VPS13B: variants seen among roughly 807,000 people sequenced by gnomAD.
VPS13B encodes the protein intermembrane lipid transfer protein VPS13B.
Under a neutral mutation model 426.4 loss-of-function variants are expected in VPS13B, and 285 were observed. The observed-to-expected ratio is 0.67, with a 90% CI of 0.61 to 0.74. The LOEUF is 0.74. Ranked by LOEUF, VPS13B falls within the 30% of genes least tolerant of loss-of-function variation. The pLI, the probability that VPS13B is intolerant of heterozygous loss-of-function variation, is 0.00. For missense variants in VPS13B, 4,537 were observed against 4,782.6 expected (o/e 0.95, Z 1.51); for synonymous variants, 1,676 against 1,676.4 (o/e 1.00, Z 0.01).
chr8:99,233,453 T>C, intron 17 of VPS13B: 1 of 1,339,188 alleles, frequency 7.5e-7, no homozygotes, highest in Non-Finnish European at 1.1e-6. Context: ...CCGATGATGG[T>C]ACCCACAGCC....
intron 39 of VPS13B, among the ~76,000 whole-genome samples, chr8:99,757,275 AC>A (rs1455484426): frequency 6.6e-6 from 1 of 152,152 alleles, no homozygotes; most frequent in Non-Finnish European, 1.5e-5. Context: ...GTACTCACTA[AC>A]CAGACTTACA....
At position 99,463,034 on chromosome 8, in the gene VPS13B, C is replaced by T. The variant is rs2133497156; in HGVS notation, c.3446-4380C>T. Among the ~76,000 whole-genome samples the T allele has an allele frequency of 1.3e-5, 2 of 152,248 alleles. 1 individual carries two copies. Among genetic ancestry groups the T allele is most frequent in the South Asian group, 4.1e-4 (2 of 4,826 alleles). ...CAAGACAGCTATCCATTCCATGGCACTGATGTTACCGATAGGATCTTGTCT... is the reference window on the plus strand; with the variant it reads ...CAAGACAGCTATCCATTCCATGGCATTGATGTTACCGATAGGATCTTGTCT... On this transcript the variant is annotated intron_variant, in intron 23 of 61. Transcript: ENST00000357162.
intron 43 of VPS13B, chr8:99,796,491 T>C (rs1812824158): frequency 6.6e-6 from 1 of 152,078 alleles, no homozygotes; most frequent in Non-Finnish European, 1.5e-5. Flanking sequence ...GAATGACTAA[T>C]GGCATAAAAT....
chr8:99,215,367 G>A (rs1224676335), intron 17 of VPS13B, among the ~76,000 whole-genome samples: 3 of 152,160 alleles, frequency 2.0e-5, no homozygotes, highest in Non-Finnish European at 4.4e-5. Flanking sequence ...TAAGTTATGT[G>A]TGAAAAATTG....
In VPS13B at chr8:99,502,891, T is replaced by G; in HGVS notation, c.4098T>G (p.Asp1366Glu). 1 of 1,613,574 alleles carries G rather than the reference T, an allele frequency of 6.2e-7. No individual in the cohort carries two copies. Among genetic ancestry groups the G allele is most frequent in the Non-Finnish European group, 8.5e-7 (1 of 1,179,694 alleles). The change falls in exon 27 of 62, where the codon GAT becomes GAG. Residue 1366 changes from aspartate to glutamate, a missense_variant. Around this residue, in one of 2 missense-constraint regions of VPS13B, gnomAD observed 4,311 missense variants for 4,474.3 expected, o/e 0.96. Coordinates refer to ENST00000357162, the MANE Select transcript of VPS13B (RefSeq NM_152564.5). ...EDLSASIDVQ[D>E]VYTKVKCKIE... ...TCAGTGCTTCCATAGATGTCCAGGA[T>G]GTATATACCAAAGTGAAATGTAAAA...
intron 3 of VPS13B, among the ~76,000 whole-genome samples, chr8:99,084,674 A>C (rs972480302): frequency 5.9e-5 from 9 of 152,178 alleles, no homozygotes; most frequent in African/African-American, 2.2e-4. Flanking sequence ...CATTGGTTTC[A>C]AAGAACATCT....
intron 3 of VPS13B, among the ~76,000 whole-genome samples, chr8:99,080,118 G>A (rs1237098587): frequency 6.6e-6 from 1 of 150,878 alleles, no homozygotes; most frequent in East Asian, 1.9e-4. Context: ...CTTACTGCAG[G>A]GGTCATTATT....
chr8:99,809,546 T>G lies in VPS13B; in HGVS notation c.8097+16T>G. 1 of 1,613,954 alleles carries G rather than the reference T, an allele frequency of 6.2e-7. No individual in the cohort carries two copies. Among genetic ancestry groups the G allele is most frequent in the Non-Finnish European group, 8.5e-7 (1 of 1,179,892 alleles). On this transcript the variant is annotated intron_variant, in intron 44 of 61. Coordinates refer to ENST00000357162, the MANE Select transcript of VPS13B (RefSeq NM_152564.5). The stretch of plus-strand genomic sequence containing the variant: ...ACAAAAACAGGTAAGTTTCTTTGTG[T>G]TCATGACCCAGACACCTCTTAATTA...
At chr8:99,307,495 CA>C (rs777867548) in intron 19 of VPS13B, among the ~76,000 whole-genome samples, 4 of 151,970 alleles carry the variant, frequency 2.6e-5, no homozygotes, top group Non-Finnish European at 5.9e-5. Flanking sequence ...ATAGGTAGAA[CA>C]TTTTTTTTAA....
chr8:99,512,483 T>C (rs1821841775), intron 29 of VPS13B, among the ~76,000 whole-genome samples: 1 of 152,190 alleles, frequency 6.6e-6, no homozygotes, highest in African/African-American at 2.4e-5. Flanking sequence ...AAAACAGAAA[T>C]CTACGTTTTT....
chr8:99,153,942 C>T (rs1358347552), intron 14 of VPS13B, among the ~76,000 whole-genome samples: 1 of 150,140 alleles, frequency 6.7e-6, no homozygotes, highest in Non-Finnish European at 1.5e-5. Context: ...AGGATAATTT[C>T]GTGGGGTATG....
intron 35 of VPS13B, among the ~76,000 whole-genome samples, chr8:99,662,644 C>T (rs561688438): frequency 5.3e-5 from 8 of 152,122 alleles, no homozygotes; most frequent in Non-Finnish European, 1.0e-4. Flanking sequence ...GATGAGGTCT[C>T]GCTATGTTGC....
At chr8:99,574,664 G>T (rs754221894) in intron 31 of VPS13B, among the ~76,000 whole-genome samples, 10 of 152,124 alleles carry the variant, frequency 6.6e-5, no homozygotes, top group Non-Finnish European at 1.5e-4. Flanking sequence ...TGAAAGCTGG[G>T]AATACATAAA....
intron 33 of VPS13B, among the ~76,000 whole-genome samples, chr8:99,596,042 C>T (rs943448989): frequency 1.3e-5 from 2 of 151,832 alleles, no homozygotes; most frequent in East Asian, 1.9e-4. Flanking sequence ...AAATTGGAAC[C>T]CTCTTACACT....
At chr8:99,082,519 A>G (rs568721270) in intron 3 of VPS13B, among the ~76,000 whole-genome samples, 9 of 152,250 alleles carry the variant, frequency 5.9e-5, no homozygotes, top group African/African-American at 2.2e-4. Context: ...TTGGTGTTTT[A>G]GACGTGAAGT....
intron 19 of VPS13B, among the ~76,000 whole-genome samples, chr8:99,286,144 G>T (rs1473642352): frequency 4.6e-5 from 7 of 152,106 alleles, no homozygotes; most frequent in Admixed American, 4.6e-4. Flanking sequence ...CCATGAAGTT[G>T]GGAGTTCTTA....
intron 15 of VPS13B, among the ~76,000 whole-genome samples, chr8:99,157,664 C>G (rs960960395): frequency 6.6e-6 from 1 of 152,136 alleles, no homozygotes; most frequent in Non-Finnish European, 1.5e-5. Context: ...AAGGAAGAGT[C>G]CCATAACTCT....
chr8:99,121,300 C>G lies in VPS13B; in HGVS notation c.1061C>G (p.Pro354Arg). The change falls in exon 8 of 62, where the codon CCT (proline) becomes CGT (arginine). Residue 354 changes from proline to arginine, a missense_variant. Pro to Arg is a moderately radical substitution (Grantham distance 103). This residue lies in a region of VPS13B where 4,311 missense variants were observed against 4,474.3 expected (regional missense o/e 0.96). Coordinates refer to ENST00000357162, the MANE Select transcript of VPS13B (RefSeq NM_152564.5). ...GWVSWAWSFV[P>R]AIVSYDDGEE... ...GTGTCATGGGCCTGGTCCTTTGTGC[C>G]TGCAATTGTGAGTTATGACGATGGC... 6.2e-7 allele frequency: 1 copy of G among 1,614,124 alleles called. No individual in the cohort carries two copies. The highest frequency in any genetic ancestry group is 1.1e-5 in the South Asian group (1 of 91,080).
intron 51 of VPS13B, among the ~76,000 whole-genome samples, chr8:99,824,918 T>C (rs1209913958): frequency 1.3e-5 from 2 of 152,256 alleles, no homozygotes; most frequent in East Asian, 1.9e-4. Flanking sequence ...CATTCTTTTT[T>C]ATTTCTGCAT....
Sources: gnomAD v4.1 joint callset for allele counts (sites outside exome capture counted in the v4.1 genomes callset) on GRCh38, gnomAD v4.1.1 for gene constraint, gnomAD v4.1.1 regional missense constraint, MANE v1.5 for transcripts, NCBI Gene and HGNC (gene_info 2026-07-23, HGNC 2026-07-21) for gene names.